The following PIERCE2 variants were observed in gnomAD, a reference collection of about 807,000 sequenced individuals.
PIERCE2 encodes piercer of microtubule wall 2.
At chr15:55,414,751 G>A in the PIERCE2 span, among the ~76,000 whole-genome samples, 9 of 151,896 alleles carry the variant, frequency 5.9e-5, no homozygotes, top group African/African-American at 1.4e-4. Flanking sequence ...GGTGGCGCAC[G>A]CCTGTAATCC....
chr15:55,411,055 T>C, the PIERCE2 span: 1 of 152,214 alleles, frequency 6.6e-6, no homozygotes, highest in African/African-American at 2.4e-5. Flanking sequence ...TACAAACTTA[T>C]GAGTATTAAG....
chr15:55,418,608 C>G, the PIERCE2 span: 1 of 1,280,078 alleles, frequency 7.8e-7, no homozygotes, highest in East Asian at 2.6e-5. Context: ...AAAATATACT[C>G]GGGAAAAATG....
chr15:55,416,616 CCAAT>C, the PIERCE2 span, among the ~76,000 whole-genome samples: 3 of 152,202 alleles, frequency 2.0e-5, no homozygotes, highest in Middle Eastern at 3.4e-3. Context: ...CCACCCACCT[CCAAT>C]CAATCATGAG....
the PIERCE2 span, chr15:55,411,126 G>GT: frequency 1.3e-5 from 2 of 152,178 alleles, no homozygotes; most frequent in African/African-American, 4.8e-5. Context: ...TTTCAGAACT[G>GT]TTTCTGGAAG....
At chr15:55,414,279 G>A in the PIERCE2 span, among the ~76,000 whole-genome samples, 2 of 148,828 alleles carry the variant, frequency 1.3e-5, no homozygotes, top group African/African-American at 2.5e-5. Flanking sequence ...GCATAATCTC[G>A]GATCACTGCA....
chr15:55,418,503 A>C, the PIERCE2 span: 44 of 1,527,584 alleles, frequency 2.9e-5, no homozygotes, highest in Admixed American at 5.9e-5. Flanking sequence ...TATCAAAATA[A>C]CACTCTAAAT....
chr15:55,409,495 GTAAA>G, the PIERCE2 span, among the ~76,000 whole-genome samples: 3 of 152,094 alleles, frequency 2.0e-5, no homozygotes, highest in East Asian at 1.9e-4. Flanking sequence ...TGTGGTAAAA[GTAAA>G]TAAATAAATG....
At chr15:55,413,922 G>T in the PIERCE2 span, among the ~76,000 whole-genome samples, 2 of 150,778 alleles carry the variant, frequency 1.3e-5, no homozygotes, top group African/African-American at 4.9e-5. Flanking sequence ...TTTTGAGACG[G>T]AGTCTCGCTC....
At chr15:55,412,960 T>C in the PIERCE2 span, among the ~76,000 whole-genome samples, 5 of 152,084 alleles carry the variant, frequency 3.3e-5, no homozygotes, top group African/African-American at 1.2e-4. Context: ...CAAGACCTCA[T>C]CCCTACAAAA....
chr15:55,418,123 G>A, the PIERCE2 span: 6 of 1,580,028 alleles, frequency 3.8e-6, no homozygotes, highest in East Asian at 1.3e-4. Context: ...GCCCTCAAGA[G>A]AACAGAATTC....
chr15:55,410,418 G>A, the PIERCE2 span: 1 of 152,192 alleles, frequency 6.6e-6, no homozygotes, highest in Non-Finnish European at 1.5e-5. Context: ...GGGAGGCCGA[G>A]GCAGGCGAAT....
chr15:55,418,510 A>G, the PIERCE2 span: 34 of 1,526,848 alleles, frequency 2.2e-5, no homozygotes, highest in Non-Finnish European at 2.7e-5. Flanking sequence ...ATAACACTCT[A>G]AATACTGCAC....
At chr15:55,410,512 G>A in the PIERCE2 span, 1 of 152,186 alleles carries the variant, frequency 6.6e-6, no homozygotes, top group African/African-American at 2.4e-5. Context: ...AGCCGGGCGT[G>A]GTGACGCATG....
chr15:55,411,775 G>A, the PIERCE2 span, among the ~76,000 whole-genome samples: 1 of 152,150 alleles, frequency 6.6e-6, no homozygotes, highest in East Asian at 1.9e-4. Context: ...TACACAATTA[G>A]CCAGGCATGG....
chr15:55,418,386 C>G, the PIERCE2 span: 2 of 1,535,372 alleles, frequency 1.3e-6, no homozygotes, highest in East Asian at 4.9e-5. Context: ...ATGTATAAAA[C>G]CAATTCAAGT....
the PIERCE2 span, chr15:55,418,414 A>G: frequency 6.5e-7 from 1 of 1,529,892 alleles, no homozygotes; most frequent in South Asian, 1.2e-5. Context: ...GTGAATTTCT[A>G]CCTATTCCAC....
the PIERCE2 span, among the ~76,000 whole-genome samples, chr15:55,415,277 G>A: frequency 6.6e-6 from 1 of 152,012 alleles, no homozygotes; most frequent in African/African-American, 2.4e-5. Flanking sequence ...AGACCAGCCT[G>A]GCCAACATGG....
chr15:55,418,525 C>A, the PIERCE2 span: 1 of 1,514,874 alleles, frequency 6.6e-7, no homozygotes. Context: ...CTGCACCTGA[C>A]AGAACCAGAA....
chr15:55,413,286 T>C, the PIERCE2 span, among the ~76,000 whole-genome samples: 1 of 148,510 alleles, frequency 6.7e-6, no homozygotes, highest in South Asian at 2.1e-4. Flanking sequence ...AAAAAAATTA[T>C]AAAAATTAGC....
Sources: gnomAD v4.1 joint callset for allele counts (sites outside exome capture counted in the v4.1 genomes callset) on GRCh38, gnomAD v4.1.1 for gene constraint, MANE v1.5 for transcripts, NCBI Gene and HGNC (gene_info 2026-07-23, HGNC 2026-07-21) for gene names.